The following SGMS1 variants were observed in gnomAD, a reference collection of about 807,000 sequenced individuals.
The protein encoded by SGMS1 is sphingomyelin synthase 1.
In SGMS1, 13 loss-of-function variants were observed where a neutral mutation model predicts 46.2. That is an observed-to-expected ratio of 0.28 (90% CI 0.18 to 0.45). The LOEUF (loss-of-function observed/expected upper bound fraction) is 0.45, where lower values mean the gene tolerates loss of function less well. Among genes scored for constraint, SGMS1 ranks in the 20% least tolerant of loss-of-function variants. SGMS1 has a pLI of 1.00. For missense variants in SGMS1, 324 were observed against 519.9 expected, an observed-to-expected ratio of 0.62 and a Z score of 3.66; for synonymous variants, 203 against 187.8, an observed-to-expected ratio of 1.08 and a Z score of -0.66.
intron 6 of SGMS1, among the ~76,000 whole-genome samples, chr10:50,360,683 T>C (rs1315394284): frequency 6.6e-6 from 1 of 152,200 alleles, no homozygotes; most frequent in Non-Finnish European, 1.5e-5. Flanking sequence ...CCAAATTCCA[T>C]TAGCTCTCAC....
Position 50,623,886 on chromosome 10 carries a change from C to T in SGMS1, c.-863G>A, listed in dbSNP as rs1838882819. The T allele has an allele frequency of 3.0e-6, 3 of 987,146 alleles. No homozygotes were observed. The highest frequency in any genetic ancestry group is 3.6e-6 in the Non-Finnish European group (3 of 831,396). 61.1% of individuals were successfully genotyped at this position (987,146 alleles called of 1,614,324 possible). On this transcript the variant is annotated 5_prime_UTR_variant, in exon 1 of 11. Transcript: ENST00000361781. ...TCCTTCTCACTCCCGACCTGCCCGC[C>T]GCCTGCCGCCCGCAGCCGCTGCCCC...
At chr10:50,529,050 A>G (rs573047636) in intron 2 of SGMS1, among the ~76,000 whole-genome samples, 1 of 152,356 alleles carries the variant, frequency 6.6e-6, no homozygotes, top group Non-Finnish European at 1.5e-5. Context: ...CAGCTGGAAC[A>G]TGGGGAAAAC....
chr10:50,381,597 G>T (rs1214864961), intron 6 of SGMS1, among the ~76,000 whole-genome samples: 2 of 152,168 alleles, frequency 1.3e-5, no homozygotes, highest in Non-Finnish European at 2.9e-5. Flanking sequence ...AGTTTGAGAT[G>T]ATGAAAATGA....
intron 7 of SGMS1, among the ~76,000 whole-genome samples, chr10:50,332,773 C>T (rs778712544): frequency 1.1e-4 from 17 of 151,874 alleles, no homozygotes; most frequent in Non-Finnish European, 1.9e-4. Context: ...CAGGTGCAGG[C>T]CACCATGGCT....
At chr10:50,336,654 TA>T (rs904231944) in intron 7 of SGMS1, among the ~76,000 whole-genome samples, 15 of 151,310 alleles carry the variant, frequency 9.9e-5, no homozygotes, top group South Asian at 2.1e-4. Context: ...CTAAATCTGT[TA>T]AAAAAAAATA....
rs573081667 is a variant in SGMS1 at position 50,430,230 on chromosome 10, A to G, written c.-232+3246T>C. Among the ~76,000 whole-genome samples the G allele has an allele frequency of 5.3e-5, 8 of 152,316 alleles. No homozygotes were observed. In the South Asian group the frequency reaches 1.4e-3, roughly 28 times the overall value. On this transcript the variant is annotated intron_variant, in intron 6 of 10. Coordinates refer to ENST00000361781, the MANE Select transcript of SGMS1 (RefSeq NM_147156.4). ...GATGTTCATTACAGCACACTTTACA[A>G]AAATGAAAAGTTGAAAACAAAAATG...
rs912667930 is a variant in SGMS1, at chr10:50,527,074, A to T, written c.-588-7153T>A. On this transcript the variant is annotated intron_variant, in intron 2 of 10. Coordinates refer to ENST00000361781, the MANE Select transcript of SGMS1 (RefSeq NM_147156.4). ...GTGAGACTCTGTCTCAAAAAAAAAA[A>T]AAAAAAAAAAAAAAAGAAAGAAAGA... 2.7e-3 allele frequency among the ~76,000 whole-genome samples: 276 copies of T among 101,966 alleles called. 1 individual carries two copies. The highest frequency in any genetic ancestry group is 8.0e-3 in the Admixed American group (90 of 11,242). The allele number at this position is 101,966 out of a possible 152,430, so 66.9% of individuals were successfully genotyped here.
intron 3 of SGMS1, among the ~76,000 whole-genome samples, chr10:50,471,403 G>C (rs974297262): frequency 1.3e-5 from 2 of 152,064 alleles, no homozygotes; most frequent in Non-Finnish European, 2.9e-5. Flanking sequence ...TGGTACCAGG[G>C]AGTCATAACA....
intron 6 of SGMS1, among the ~76,000 whole-genome samples, chr10:50,414,383 C>G (rs1849140282): frequency 6.6e-6 from 1 of 152,196 alleles, no homozygotes; most frequent in African/African-American, 2.4e-5. Flanking sequence ...GAGCAAGACT[C>G]TGCCTGAAAA....
intron 6 of SGMS1, among the ~76,000 whole-genome samples, chr10:50,409,881 G>A (rs537952656): frequency 6.6e-6 from 1 of 152,250 alleles, no homozygotes; most frequent in East Asian, 1.9e-4. Flanking sequence ...ACTATATACA[G>A]CCTATTATCC....
chr10:50,510,104 C>A (rs1041348499), intron 3 of SGMS1, among the ~76,000 whole-genome samples: 1 of 152,136 alleles, frequency 6.6e-6, no homozygotes, highest in Non-Finnish European at 1.5e-5. Flanking sequence ...ATTTTCTAAC[C>A]CTATACTCTT....
chr10:50,494,691 C>T (rs1044145941), intron 3 of SGMS1, among the ~76,000 whole-genome samples: 2 of 152,082 alleles, frequency 1.3e-5, no homozygotes, highest in Admixed American at 6.6e-5. Flanking sequence ...GGCTTAATAT[C>T]TGTGGGATGA....
intron 3 of SGMS1, among the ~76,000 whole-genome samples, chr10:50,511,239 A>T (rs1837751204): frequency 7.4e-6 from 1 of 134,412 alleles, no homozygotes; most frequent in Non-Finnish European, 1.6e-5. Flanking sequence ...ATATTCATTC[A>T]CTCATTCATA....
Position 50,465,929 on chromosome 10 carries a change from A to C in SGMS1, c.-455+961T>G, listed in dbSNP as rs1837323058. 9.4e-5 allele frequency among the ~76,000 whole-genome samples: 14 copies of C among 149,082 alleles called. 1 individual carries two copies. In the South Asian group the frequency reaches 3.0e-3, roughly 32 times the overall value. Reference sequence around the variant, plus strand: ...TCAACTTATATCACAGAGCTCAGCCACAAAAAAAATAATAAAGTAGACATT... The same window carrying C: ...TCAACTTATATCACAGAGCTCAGCCCCAAAAAAAATAATAAAGTAGACATT... On this transcript the variant is annotated intron_variant, in intron 4 of 10. Transcript: ENST00000361781.
Position 50,457,894 on chromosome 10 carries a change from A to T in SGMS1, c.-313+2779T>A, listed in dbSNP as rs539676727. Among the ~76,000 whole-genome samples, 10 of 152,332 alleles carry T rather than the reference A, an allele frequency of 6.6e-5. No individual in the cohort carries two copies. In the South Asian group the frequency reaches 1.9e-3, roughly 28 times the overall value. On this transcript the variant is annotated intron_variant, in intron 5 of 10. Transcript: ENST00000361781. ...ATATATAAATGCCAGAGCTGTCCTT[A>T]ACTGTGTGATTATATGGCCAAATTC...
At chr10:50,415,845 C>T (rs1276163834) in intron 6 of SGMS1, among the ~76,000 whole-genome samples, 1 of 152,148 alleles carries the variant, frequency 6.6e-6, no homozygotes, top group East Asian at 1.9e-4. Context: ...AAATATTTCA[C>T]TTAGCATATA....
chr10:50,454,050 C>CAAAAAAAAAAAAAAAAAAA (rs71846628), intron 5 of SGMS1, among the ~76,000 whole-genome samples: 53 of 97,864 alleles, frequency 5.4e-4, no homozygotes, highest in Non-Finnish European at 7.0e-4. Flanking sequence ...TTTACATAGG[C>CAAAAAAAAAAAAAAAAAAA]AAAAAAAAAA....
intron 2 of SGMS1, among the ~76,000 whole-genome samples, chr10:50,587,348 T>G (rs533693432): frequency 7.9e-5 from 12 of 152,200 alleles, no homozygotes; most frequent in Admixed American, 1.3e-4. Context: ...AAAATATATG[T>G]CATTGGCCGG....
At chr10:50,313,640 G>T (rs1359643209) in intron 8 of SGMS1, among the ~76,000 whole-genome samples, 1 of 152,086 alleles carries the variant, frequency 6.6e-6, no homozygotes, top group African/African-American at 2.4e-5. Context: ...TGGCAAAAAA[G>T]CTTGGGTATT....
Sources: allele counts gnomAD v4.1 joint callset (sites outside exome capture counted in the v4.1 genomes callset), GRCh38; gene constraint gnomAD v4.1.1; transcripts MANE v1.5; gene names NCBI Gene and HGNC (gene_info 2026-07-23, HGNC 2026-07-21).